Variants in ZNF268 observed in about 807,000 individuals in gnomAD.
ZNF268 encodes zinc finger protein 3.
In ZNF268, 20 loss-of-function variants were observed where a neutral mutation model predicts 29.3. That is an observed-to-expected ratio of 0.68 (90% CI 0.48 to 0.99). The LOEUF (loss-of-function observed/expected upper bound fraction) is 0.99, where lower values mean the gene tolerates loss of function less well. ZNF268 is among the 50% of genes least tolerant of loss of function. ZNF268 has a pLI of 0.00. For missense variants in ZNF268, 1,240 were observed against 1,121.6 expected (o/e 1.11, Z -1.51); for synonymous variants, 429 against 376.9 (o/e 1.14, Z -1.60).
intron 5 of ZNF268, among the ~76,000 whole-genome samples, chr12:133,199,430 C>T (rs200213479): frequency 0.17 from 24,573 of 147,870 alleles, 1,978 homozygotes; most frequent in Non-Finnish European, 0.24. Flanking sequence ...CTGCTGGATT[C>T]GGTTTGCCAG....
intron 2 of ZNF268, among the ~76,000 whole-genome samples, chr12:133,187,613 A>G (rs1956355276): frequency 6.6e-6 from 1 of 152,164 alleles, no homozygotes; most frequent in Non-Finnish European, 1.5e-5. Context: ...AGGATGAGCC[A>G]GGACAGTTTT....
chr12:133,195,708 TTTTTTG>T lies in ZNF268; in HGVS notation c.457+3723_457+3728del, dbSNP rs550867903. ...GGTGACAGAGAGGGATCCTGTCTCT[TTTTTTG>T]TTTTTGTTTTTGTTTTTTTTTGAGA... On this transcript the variant is annotated intron_variant, in intron 5 of 5. Transcript: ENST00000536435. 5.0e-3 allele frequency among the ~76,000 whole-genome samples: 752 copies of T among 151,830 alleles called. 3 individuals are homozygous for T. Among genetic ancestry groups the T allele is most frequent in the Non-Finnish European group, 6.7e-3 (452 of 67,914 alleles).
intron 5 of ZNF268, among the ~76,000 whole-genome samples, chr12:133,195,948 G>C (rs1662962664): frequency 6.6e-6 from 1 of 150,584 alleles, no homozygotes; most frequent in Non-Finnish European, 1.5e-5. Context: ...CCTGACCTCA[G>C]GTGATCCCGC....
rs761585557 is a variant in ZNF268 at position 133,202,438 on chromosome 12, G to A, written c.752G>A (p.Ser251Asn). Residue 251 changes from serine to asparagine, a missense_variant, in exon 6 of 6, where the codon AGT becomes AAT. Ser to Asn is a conservative substitution (Grantham distance 46, BLOSUM62 1). Transcript: ENST00000536435. ...QTVIGIKYCE[S>N]IESGKTVNKK... Reference sequence around the variant, plus strand: ...GTTATTGGAATAAAATACTGTGAAAGTATTGAATCTGGAAAAACCGTCAAT... The same window carrying A: ...GTTATTGGAATAAAATACTGTGAAAATATTGAATCTGGAAAAACCGTCAAT... 3 of 1,610,798 alleles carry A rather than the reference G, an allele frequency of 1.9e-6. No homozygotes were observed. The highest frequency in any genetic ancestry group is 2.2e-5 in the East Asian group (1 of 44,852).
At chr12:133,202,052 C>A in intron 5 of ZNF268, 92 bp from the exon 6 acceptor site, 1 of 1,046,462 alleles carries the variant, frequency 9.6e-7, no homozygotes, top group Non-Finnish European at 1.3e-6. Context: ...TGATTTATAA[C>A]ATGTGACTAA....
intron 2 of ZNF268, 64 bp from the exon 3 acceptor site, chr12:133,187,808 C>T (rs1173249373): frequency 2.1e-6 from 3 of 1,452,240 alleles, no homozygotes; most frequent in Non-Finnish European, 2.8e-6. Flanking sequence ...GTGATGTGAC[C>T]CCTATTTCCT....
intron 2 of ZNF268, among the ~76,000 whole-genome samples, chr12:133,185,183 CAAA>C (rs534300830): frequency 0.023 from 2,053 of 87,952 alleles, 48 homozygotes; most frequent in African/African-American, 0.086. Flanking sequence ...GACTCTGTCT[CAAA>C]AAAAAAAAAA....
Position 133,191,577 on chromosome 12 carries a change from G to C in ZNF268, c.323G>C (p.Ser108Thr). Reference sequence around the variant, plus strand: ...CCAGCACAGAAGTGCCTGTACAGGAGTGTGATGTTGGAGAACTATAGCAAC... The same window carrying C: ...CCAGCACAGAAGTGCCTGTACAGGACTGTGATGTTGGAGAACTATAGCAAC... ...LDPAQKCLYR[S>T]VMLENYSNLV... The change falls in exon 4 of 6, where the codon AGT becomes ACT. Residue 108 changes from serine to threonine, a missense_variant. Around this residue, in one of 3 missense-constraint regions of ZNF268, gnomAD observed 1,177 missense variants for 1,039.6 expected, o/e 1.13. Transcript: ENST00000536435. 1 of 1,614,136 alleles carries C rather than the reference G, an allele frequency of 6.2e-7. No homozygotes were observed. The highest frequency in any genetic ancestry group is 1.7e-5 in the Admixed American group (1 of 60,022).
chr12:133,204,505 G>A lies in ZNF268; in HGVS notation c.2819G>A (p.Arg940Lys). The change falls in exon 6 of 6, where the codon AGA becomes AAA. Residue 940 changes from arginine to lysine, a missense_variant. Around this residue, in one of 3 missense-constraint regions of ZNF268, gnomAD observed 1,177 missense variants for 1,039.6 expected, o/e 1.13. Transcript: ENST00000536435. ...AAGTCACAGCTCATTATGCATCAGAGAACTCATGTAGATGACAAACATTGA... is the reference window on the plus strand; with the variant it reads ...AAGTCACAGCTCATTATGCATCAGAAAACTCATGTAGATGACAAACATTGA... ...CWKSQLIMHQRTHVDDKH is the reference protein window; with the variant it reads ...CWKSQLIMHQKTHVDDKH The A allele has an allele frequency of 1.3e-6, 2 of 1,524,380 alleles. No homozygotes were observed. The highest frequency in any genetic ancestry group is 1.2e-5 in the South Asian group (1 of 81,558). 94.4% of individuals were successfully genotyped at this position (1,524,380 alleles called of 1,614,324 possible). A position where few individuals can be genotyped will look rare whatever the true frequency, so the allele number is the denominator to read the frequency against.
At position 133,204,045 on chromosome 12, in the gene ZNF268, A is replaced by G; in HGVS notation, c.2359A>G (p.Lys787Glu). 6.4e-7 allele frequency: 1 copy of G among 1,568,346 alleles called. No homozygotes were observed. Among genetic ancestry groups the G allele is most frequent in the Non-Finnish European group, 8.6e-7 (1 of 1,159,908 alleles). Residue 787 changes from lysine to glutamate, a missense_variant, in exon 6 of 6, where the codon AAA becomes GAA. By Grantham distance (56) the Lys-to-Glu change is moderately conservative. Transcript: ENST00000536435. The part of the protein sequence containing the change: ...EKPYGCSECG[K>E]AFSSKSYLII... Reference sequence around the variant, plus strand: ...GCCTTATGGGTGCAGTGAATGTGGGAAAGCTTTTAGCAGCAAGTCATACCT... The same window carrying G: ...GCCTTATGGGTGCAGTGAATGTGGGGAAGCTTTTAGCAGCAAGTCATACCT...
Position 133,207,643 on chromosome 12 carries a change from C to T in ZNF268, c.*3113C>T, listed in dbSNP as rs1956923377. On this transcript the variant is annotated 3_prime_UTR_variant, in exon 6 of 6. Coordinates refer to ENST00000536435, the MANE Select transcript of ZNF268 (RefSeq NM_003415.3). ...GCCAACATGGTGAAACCCCTCTCTACTAAAAATACAAAAAAATAGCAGGGC... is the reference window on the plus strand; with the variant it reads ...GCCAACATGGTGAAACCCCTCTCTATTAAAAATACAAAAAAATAGCAGGGC... The T allele has an allele frequency of 6.6e-6, 1 of 152,040 alleles. No homozygotes were observed. The highest frequency in any genetic ancestry group is 2.4e-5 in the African/African-American group (1 of 41,396). 9.4% of individuals were successfully genotyped at this position (152,040 alleles called of 1,614,324 possible). A position where few individuals can be genotyped will look rare whatever the true frequency, so the allele number is the denominator to read the frequency against.
At position 133,191,989 on chromosome 12, in the gene ZNF268, A is replaced by C; in HGVS notation, c.443A>C (p.Asn148Thr). ...ELCMVQAQVP[N>T]QTCPNTVWKI... ...TGTATGGTGCAGGCCCAAGTTCCAA[A>C]TCAGACCTGTCCAAGTGAGTGATGG... Residue 148 changes from asparagine (N) to threonine (T), a missense_variant, in exon 5 of 6, where the codon AAT (asparagine) becomes ACT (threonine). This residue lies in a region of ZNF268 where 1,177 missense variants were observed against 1,039.6 expected (regional missense o/e 1.13). Coordinates refer to ENST00000536435, the MANE Select transcript of ZNF268 (RefSeq NM_003415.3). 2 of 1,613,112 alleles carry C rather than the reference A, an allele frequency of 1.2e-6. No homozygotes were observed. The highest frequency in any genetic ancestry group is 1.7e-6 in the Non-Finnish European group (2 of 1,179,218).
rs146672543 is a variant in ZNF268, at chr12:133,195,257, G to A, written c.457+3254G>A. 1.6e-4 allele frequency among the ~76,000 whole-genome samples: 25 copies of A among 152,300 alleles called. 1 individual carries two copies. Among genetic ancestry groups the A allele is most frequent in the African/African-American group, 4.1e-4 (17 of 41,562 alleles). ...TCGTTGGGGAAATGGCTTTTCTGTA[G>A]CTTCAGAATCTCAATTCTCTTGGTG... On this transcript the variant is annotated intron_variant, in intron 5 of 5. Transcript: ENST00000536435.
In ZNF268 at chr12:133,203,048, A is replaced by C. The variant is rs1202683787; in HGVS notation, c.1362A>C (p.Thr454=). ...GTAGTGATTGTGGAAAAGCCTTTAC[A>C]TTCAAGTCACAGCTCATTGTACATC... ...YVCSDCGKAF[T]FKSQLIVHQG... is the part of the protein sequence containing the mutation. The change falls in exon 6 of 6, where the codon ACA becomes ACC. Residue 454 remains threonine (T), a synonymous_variant. Coordinates refer to ENST00000536435, the MANE Select transcript of ZNF268 (RefSeq NM_003415.3). 8 of 1,539,282 alleles carry C rather than the reference A, an allele frequency of 5.2e-6. No homozygotes were observed. The highest frequency in any genetic ancestry group is 7.0e-6 in the Non-Finnish European group (8 of 1,147,836).
At chr12:133,187,844 T>C in intron 2 of ZNF268, 28 bp from the exon 3 acceptor site, 1 of 1,559,978 alleles carries the variant, frequency 6.4e-7, no homozygotes, top group East Asian at 2.4e-5. Context: ...TAATGCTCGC[T>C]AAAGTAAATT....
rs1249140919 is a variant in ZNF268, at chr12:133,213,949, A to C, written c.*9419A>C. 2.0e-5 allele frequency: 3 copies of C among 152,008 alleles called. No individual in the cohort carries two copies. Among genetic ancestry groups the C allele is most frequent in the African/African-American group, 4.8e-5 (2 of 41,360 alleles). 9.4% of individuals were successfully genotyped at this position (152,008 alleles called of 1,614,324 possible). A position where few individuals can be genotyped will look rare whatever the true frequency, so the allele number is the denominator to read the frequency against. Reference sequence around the variant, plus strand: ...GGAACCAGTGAGCCCAGATCTCACCACTGCACTCCAGCCTGGGCGACAGAG... The same window carrying C: ...GGAACCAGTGAGCCCAGATCTCACCCCTGCACTCCAGCCTGGGCGACAGAG... On this transcript the variant is annotated 3_prime_UTR_variant, in exon 6 of 6. Transcript: ENST00000536435.
At chr12:133,198,511 G>A (rs957818238) in intron 5 of ZNF268, among the ~76,000 whole-genome samples, 8 of 151,652 alleles carry the variant, frequency 5.3e-5, no homozygotes, top group Admixed American at 1.3e-4. Flanking sequence ...TTGACTTGGC[G>A]ATGCGGGCTC....
At position 133,206,938 on chromosome 12, in the gene ZNF268, A is replaced by C. The variant is rs752775978; in HGVS notation, c.*2408A>C. 1 of 152,246 alleles carries C rather than the reference A, an allele frequency of 6.6e-6. No homozygotes were observed. Among genetic ancestry groups the C allele is most frequent in the Non-Finnish European group, 1.5e-5 (1 of 68,046 alleles). The allele number at this position is 152,246 out of a possible 1,614,324, so 9.4% of individuals were successfully genotyped here. On this transcript the variant is annotated 3_prime_UTR_variant, in exon 6 of 6. Coordinates refer to ENST00000536435, the MANE Select transcript of ZNF268 (RefSeq NM_003415.3). Reference sequence around the variant, plus strand: ...GAAAGTTTATATTCAGTTTACTACTACCTAGGGTTAGATTTTAGTTTGTTG... The same window carrying C: ...GAAAGTTTATATTCAGTTTACTACTCCCTAGGGTTAGATTTTAGTTTGTTG...
intron 5 of ZNF268, among the ~76,000 whole-genome samples, chr12:133,201,180 C>T (rs917517303): frequency 6.6e-6 from 1 of 152,006 alleles, no homozygotes; most frequent in African/African-American, 2.4e-5. Context: ...CAATTCCAGA[C>T]TCTCCTTTCA....
Sources: gnomAD v4.1 joint callset for allele counts (sites outside exome capture counted in the v4.1 genomes callset) on GRCh38, gnomAD v4.1.1 for gene constraint, gnomAD v4.1.1 regional missense constraint, MANE v1.5 for transcripts, NCBI Gene and HGNC (gene_info 2026-07-23, HGNC 2026-07-21) for gene names.